Variants in MACROD2 observed in about 807,000 individuals in gnomAD.
MACROD2 encodes mono-ADP ribosylhydrolase 2.
MACROD2 carries 36 observed loss-of-function variants against 70.4 expected under a neutral mutation model. That is an observed-to-expected ratio of 0.51 (90% CI 0.39 to 0.68). The LOEUF is 0.68. Ranked by LOEUF, MACROD2 falls within the 30% of genes least tolerant of loss-of-function variation. The pLI is 0.00. For missense variants in MACROD2, 496 were observed against 538.4 expected (o/e 0.92, Z 0.78); for synonymous variants, 172 against 178.8 (o/e 0.96, Z 0.30).
At chr20:14,901,467 T>C (rs556245735) in intron 5 of MACROD2, among the ~76,000 whole-genome samples, 3 of 152,228 alleles carry the variant, frequency 2.0e-5, no homozygotes, top group Non-Finnish European at 4.4e-5. Flanking sequence ...GTCATTACAG[T>C]TAATACAACA....
chr20:14,637,842 T>A (rs1234142106), intron 4 of MACROD2, among the ~76,000 whole-genome samples: 3 of 152,204 alleles, frequency 2.0e-5, no homozygotes, highest in African/African-American at 7.2e-5. Flanking sequence ...GATTGCAATC[T>A]CCTTTCCCTC....
At chr20:14,990,798 C>T (rs949324241) in intron 5 of MACROD2, among the ~76,000 whole-genome samples, 1 of 152,286 alleles carries the variant, frequency 6.6e-6, no homozygotes, top group South Asian at 2.1e-4. Context: ...AGGTGTGAGC[C>T]ACCACGCCCG....
At chr20:15,889,856 C>CCAGGTTTGCTCCTGGCAAATCTCTAGCT (rs1291672612) in intron 10 of MACROD2, among the ~76,000 whole-genome samples, 1 of 152,146 alleles carries the variant, frequency 6.6e-6, no homozygotes, top group Non-Finnish European at 1.5e-5. Context: ...TTTCCACCCT[C>CCAGGTTTGCTCCTGGCAAATCTCTAGCT]TGCCAGACAC....
intron 5 of MACROD2, among the ~76,000 whole-genome samples, chr20:14,701,857 T>A (rs1414272679): frequency 6.6e-6 from 1 of 152,178 alleles, no homozygotes; most frequent in African/African-American, 2.4e-5. Flanking sequence ...TATCAAATTT[T>A]AATCCTCAAA....
intron 3 of MACROD2, among the ~76,000 whole-genome samples, chr20:14,293,021 T>G (rs986618491): frequency 1.3e-5 from 2 of 151,864 alleles, no homozygotes; most frequent in Non-Finnish European, 2.9e-5. Flanking sequence ...GCAGTGGGGA[T>G]ACAGAGAGAT....
intron 10 of MACROD2, among the ~76,000 whole-genome samples, chr20:15,904,273 C>T (rs1187535996): frequency 6.6e-6 from 1 of 151,994 alleles, no homozygotes; most frequent in Non-Finnish European, 1.5e-5. Flanking sequence ...CCAGCCTCGG[C>T]CTCCCAAAGT....
chr20:14,824,379 G>A (rs2072879674), intron 5 of MACROD2, among the ~76,000 whole-genome samples: 1 of 151,994 alleles, frequency 6.6e-6, no homozygotes, highest in Admixed American at 6.6e-5. Context: ...AAAATATAGT[G>A]GCCTGAAACA....
chr20:15,095,944 A>G (rs886339844), intron 5 of MACROD2, among the ~76,000 whole-genome samples: 1 of 152,032 alleles, frequency 6.6e-6, no homozygotes, highest in African/African-American at 2.4e-5. Flanking sequence ...AACAATCAGA[A>G]TTGTGAGAAT....
chr20:16,050,947 A>G lies in MACROD2; in HGVS notation c.*1071A>G, dbSNP rs757633442. On this transcript the variant is annotated 3_prime_UTR_variant, in exon 18 of 18. Coordinates refer to ENST00000684519, the MANE Select transcript of MACROD2 (RefSeq NM_001351661.2). ...TTATGCCAAGTTCAAGGCTGATTCAATGGTTGGTCCCCTCACCCAGAAAAC... is the reference window on the plus strand; with the variant it reads ...TTATGCCAAGTTCAAGGCTGATTCAGTGGTTGGTCCCCTCACCCAGAAAAC... 1 of 152,224 alleles carries G rather than the reference A, an allele frequency of 6.6e-6. No individual in the cohort carries two copies. Among genetic ancestry groups the G allele is most frequent in the Non-Finnish European group, 1.5e-5 (1 of 68,074 alleles). The allele number at this position is 152,224 out of a possible 1,614,324, so 9.4% of individuals were successfully genotyped here.
At chr20:15,543,296 T>G (rs1178227820) in intron 8 of MACROD2, among the ~76,000 whole-genome samples, 4 of 152,166 alleles carry the variant, frequency 2.6e-5, no homozygotes, top group African/African-American at 4.8e-5. Context: ...TCAAGAGGAA[T>G]GGATAATAAG....
At chr20:14,841,657 TTCA>T (rs1335050202) in intron 5 of MACROD2, among the ~76,000 whole-genome samples, 1 of 152,148 alleles carries the variant, frequency 6.6e-6, no homozygotes, top group Non-Finnish European at 1.5e-5. Flanking sequence ...TTGAATATCC[TTCA>T]TCAAGGCAGT....
At chr20:15,828,370 GT>G (rs2147113058) in intron 8 of MACROD2, among the ~76,000 whole-genome samples, 1 of 152,198 alleles carries the variant, frequency 6.6e-6, no homozygotes, top group African/African-American at 2.4e-5. Flanking sequence ...GTAGAAAAAA[GT>G]TTGATGGCCA....
At chr20:14,037,488 C>T (rs914426553) in intron 2 of MACROD2, among the ~76,000 whole-genome samples, 3 of 151,992 alleles carry the variant, frequency 2.0e-5, no homozygotes, top group Non-Finnish European at 4.4e-5. Flanking sequence ...TATTGGTGGA[C>T]GTGAAAATAT....
Position 15,295,671 on chromosome 20 carries a change from C to A in MACROD2, c.540+65610C>A, listed in dbSNP as rs535527313. On this transcript the variant is annotated intron_variant, in intron 6 of 17. Coordinates refer to ENST00000684519, the MANE Select transcript of MACROD2 (RefSeq NM_001351661.2). The stretch of plus-strand genomic sequence containing the variant: ...CTTAAGTGTGTCTTATACATCATCA[C>A]TTATAAAGTACTTTAGCCACCACTC... Among the ~76,000 whole-genome samples, 10 of 151,912 alleles carry A rather than the reference C, an allele frequency of 6.6e-5. No individual in the cohort carries two copies. The South Asian group carries it at 2.1e-3, about 32-fold the overall frequency.
At chr20:14,403,318 T>A (rs1389964784) in intron 3 of MACROD2, among the ~76,000 whole-genome samples, 2 of 152,182 alleles carry the variant, frequency 1.3e-5, no homozygotes, top group Non-Finnish European at 2.9e-5. Context: ...CAAAAAATTG[T>A]TAATTTTGAC....
At chr20:15,938,881 C>T (rs868580247) in intron 12 of MACROD2, among the ~76,000 whole-genome samples, 19 of 152,262 alleles carry the variant, frequency 1.2e-4, no homozygotes, top group Admixed American at 4.6e-4. Flanking sequence ...TGATAAGAAA[C>T]TGAAACAGCC....
At chr20:15,041,509 G>A (rs374289191) in intron 5 of MACROD2, among the ~76,000 whole-genome samples, 10 of 152,042 alleles carry the variant, frequency 6.6e-5, no homozygotes, top group African/African-American at 2.4e-4. Flanking sequence ...ACAGTGGCAT[G>A]ATCATGGCTT....
chr20:13,999,647 C>T (rs987891590), intron 1 of MACROD2, among the ~76,000 whole-genome samples: 1 of 152,116 alleles, frequency 6.6e-6, no homozygotes, highest in Non-Finnish European at 1.5e-5. Flanking sequence ...TTTATAGTTT[C>T]CTTATCTATA....
chr20:15,501,103 A>C (rs749140070), intron 8 of MACROD2, among the ~76,000 whole-genome samples: 6 of 152,244 alleles, frequency 3.9e-5, no homozygotes, highest in Non-Finnish European at 8.8e-5. Flanking sequence ...AGACTAATCC[A>C]GCTCTCATAA....
Sources: allele counts gnomAD v4.1 joint callset (sites outside exome capture counted in the v4.1 genomes callset), GRCh38; gene constraint gnomAD v4.1.1; transcripts MANE v1.5; gene names NCBI Gene and HGNC (gene_info 2026-07-23, HGNC 2026-07-21).